The following CIMAP2 variants were observed in gnomAD, a reference collection of about 807,000 sequenced individuals.
CIMAP2 encodes the protein ciliary microtubule associated protein 2, also known as ciliary microtubule-associated protein 2.
chr1:54,833,781 G>A, the CIMAP2 span, among the ~76,000 whole-genome samples: 1 of 152,136 alleles, frequency 6.6e-6, no homozygotes, highest in Admixed American at 6.6e-5. Flanking sequence ...TCCAGGCCAG[G>A]CTCTGACCCA....
the CIMAP2 span, among the ~76,000 whole-genome samples, chr1:54,832,757 G>A: frequency 6.6e-6 from 1 of 152,222 alleles, no homozygotes; most frequent in African/African-American, 2.4e-5. Flanking sequence ...GCTGGATGCA[G>A]TGGCTTACAC....
chr1:54,817,106 C>G, the CIMAP2 span: 1 of 1,614,082 alleles, frequency 6.2e-7, no homozygotes. Flanking sequence ...AGACCTGGCC[C>G]GGGACATGCT....
chr1:54,813,850 T>G, the CIMAP2 span: 3 of 1,612,442 alleles, frequency 1.9e-6, no homozygotes, highest in African/African-American at 2.7e-5. Flanking sequence ...TTTCAAGAGC[T>G]TTGTAGAAGA....
the CIMAP2 span, among the ~76,000 whole-genome samples, chr1:54,834,654 G>T: frequency 6.6e-6 from 1 of 151,972 alleles, no homozygotes; most frequent in Non-Finnish European, 1.5e-5. Context: ...GGTATCTTAG[G>T]GATGGGACCC....
At chr1:54,841,064 G>A in the CIMAP2 span, among the ~76,000 whole-genome samples, 1 of 152,194 alleles carries the variant, frequency 6.6e-6, no homozygotes, top group African/African-American at 2.4e-5. Flanking sequence ...AGAGACAGGA[G>A]GTGTGGAGAC....
chr1:54,809,006 C>G, the CIMAP2 span, among the ~76,000 whole-genome samples: 1 of 7,916 alleles, frequency 1.3e-4, no homozygotes, highest in Non-Finnish European at 4.0e-4. Flanking sequence ...ACAGCAGCCC[C>G]TGAGGGCGGA....
the CIMAP2 span, among the ~76,000 whole-genome samples, chr1:54,839,438 C>T: frequency 2.0e-5 from 3 of 151,784 alleles, no homozygotes; most frequent in Non-Finnish European, 4.4e-5. Context: ...AGTGCAATGG[C>T]GCGATCTCGG....
the CIMAP2 span, among the ~76,000 whole-genome samples, chr1:54,822,149 C>T: frequency 1.1e-4 from 11 of 99,128 alleles, no homozygotes; most frequent in Admixed American, 4.2e-4. Flanking sequence ...CCGCCCGCCT[C>T]GGCCTCCCAA....
At chr1:54,819,974 CTT>C in the CIMAP2 span, among the ~76,000 whole-genome samples, 1 of 105,780 alleles carries the variant, frequency 9.5e-6, no homozygotes, top group African/African-American at 3.7e-5. Flanking sequence ...TTCTTTCTTT[CTT>C]TTTCTCTCTT....
chr1:54,827,945 C>T, the CIMAP2 span, among the ~76,000 whole-genome samples: 110 of 152,218 alleles, frequency 7.2e-4, no homozygotes, highest in African/African-American at 2.6e-3. Context: ...GGAGAAATAG[C>T]AGGTCCTTTG....
chr1:54,816,849 G>C, the CIMAP2 span: 1 of 1,159,700 alleles, frequency 8.6e-7, no homozygotes, highest in Non-Finnish European at 1.2e-6. Context: ...TCGGGGTTGG[G>C]ACCTCAACAT....
chr1:54,838,312 G>A, the CIMAP2 span, among the ~76,000 whole-genome samples: 3 of 151,886 alleles, frequency 2.0e-5, no homozygotes, highest in Admixed American at 6.6e-5. Flanking sequence ...GTGAAAGCAC[G>A]TCTTTACTAA....
At chr1:54,811,707 A>G in the CIMAP2 span, 3 of 1,095,314 alleles carry the variant, frequency 2.7e-6, no homozygotes, top group Non-Finnish European at 4.1e-6. Context: ...CTTCTTGGGG[A>G]TGGCAATCTC....
chr1:54,840,622 G>T, the CIMAP2 span, among the ~76,000 whole-genome samples: 1 of 152,148 alleles, frequency 6.6e-6, no homozygotes, highest in African/African-American at 2.4e-5. Flanking sequence ...GGGTCTAAAG[G>T]TTTGGCATCC....
chr1:54,834,195 C>T, the CIMAP2 span, among the ~76,000 whole-genome samples: 16 of 152,324 alleles, frequency 1.1e-4, no homozygotes, highest in African/African-American at 3.6e-4. Flanking sequence ...CTCCTATTCA[C>T]CCATCTATAG....
At chr1:54,806,230 G>A in the CIMAP2 span, 19 of 1,518,740 alleles carry the variant, frequency 1.3e-5, no homozygotes, top group Admixed American at 2.1e-5. Context: ...GGTGGGGCCC[G>A]TTTGCGTCCT....
chr1:54,822,723 C>A, the CIMAP2 span, among the ~76,000 whole-genome samples: 1 of 152,104 alleles, frequency 6.6e-6, no homozygotes, highest in Non-Finnish European at 1.5e-5. Flanking sequence ...CCAGGCTGAT[C>A]TTGAACTCCT....
At chr1:54,824,537 G>A in the CIMAP2 span, among the ~76,000 whole-genome samples, 1 of 151,764 alleles carries the variant, frequency 6.6e-6, no homozygotes, top group Non-Finnish European at 1.5e-5. Flanking sequence ...ATTCCATTGT[G>A]GTGTTCTGTC....
chr1:54,818,522 C>T, the CIMAP2 span, among the ~76,000 whole-genome samples: 92,863 of 151,768 alleles, frequency 0.61, 28,998 homozygotes, highest in South Asian at 0.75. Context: ...AGTTCTTTTG[C>T]TGTGGATTGC....
Sources: allele counts gnomAD v4.1 joint callset (sites outside exome capture counted in the v4.1 genomes callset), GRCh38; gene constraint gnomAD v4.1.1; transcripts MANE v1.5; gene names NCBI Gene and HGNC (gene_info 2026-07-23, HGNC 2026-07-21).